Variants in NR3C2 observed in about 807,000 individuals in gnomAD.
NR3C2 encodes the protein mineralocorticoid receptor.
Under a neutral mutation model 86.4 loss-of-function variants are expected in NR3C2, and 15 were observed. That is an observed-to-expected ratio of 0.17 (90% confidence interval 0.12 to 0.27). The LOEUF is 0.27. NR3C2 is among the 10% of genes least tolerant of loss of function. NR3C2 has a pLI of 1.00. For synonymous variants in NR3C2, 458 were observed against 450.5 expected (o/e 1.02, Z -0.21); for missense variants, 960 against 1,195.6 (o/e 0.80, Z 2.91).
chr4:148,241,476 G>T (rs13133533), intron 3 of NR3C2, among the ~76,000 whole-genome samples: 124,300 of 124,300 alleles, frequency 1, 62,150 homozygotes, highest in Non-Finnish European at 1. Flanking sequence ...TTTTTCTTTG[G>T]CATTCTAGCC....
At chr4:148,382,065 G>A (rs1029136678) in intron 2 of NR3C2, among the ~76,000 whole-genome samples, 3 of 152,050 alleles carry the variant, frequency 2.0e-5, no homozygotes, top group Non-Finnish European at 4.4e-5. Flanking sequence ...TCACCGGTAC[G>A]TAAAAGAAGC....
chr4:148,257,650 T>C (rs1308166132), intron 3 of NR3C2, among the ~76,000 whole-genome samples: 1 of 152,030 alleles, frequency 6.6e-6, no homozygotes, highest in African/African-American at 2.4e-5. Flanking sequence ...ATAAAAATAA[T>C]CTCATTAATT....
intron 6 of NR3C2, among the ~76,000 whole-genome samples, chr4:148,132,665 C>T (rs943831204): frequency 3.3e-5 from 5 of 152,082 alleles, no homozygotes; most frequent in Middle Eastern, 3.2e-3. Context: ...CTCTAAGTGT[C>T]GACTAGACTA....
intron 6 of NR3C2, among the ~76,000 whole-genome samples, chr4:148,134,924 C>T (rs1265762042): frequency 2.0e-5 from 3 of 151,862 alleles, no homozygotes; most frequent in African/African-American, 4.8e-5. Context: ...TCCCAAAGTG[C>T]TGGGATTACA....
At position 148,080,753 on chromosome 4, in the gene NR3C2, G is replaced by A. The variant is rs1370612607; in HGVS notation, c.*591C>T. ...CATTCTAATTAAATAAGAAATGGAC[G>A]CTAACGAGTGTGTATACCAGTGATG... On this transcript the variant is annotated 3_prime_UTR_variant, in exon 9 of 9. Coordinates refer to ENST00000358102, the MANE Select transcript of NR3C2 (RefSeq NM_000901.5). 13 of 351,794 alleles carry A rather than the reference G, an allele frequency of 3.7e-5. No individual in the cohort carries two copies. The highest frequency in any genetic ancestry group is 6.3e-5 in the Admixed American group (2 of 31,976). 21.8% of individuals were successfully genotyped at this position (351,794 alleles called of 1,614,324 possible). A position where few individuals can be genotyped will look rare whatever the true frequency, so the allele number is the denominator to read the frequency against.
chr4:148,119,658 T>C (rs965806269), intron 7 of NR3C2, among the ~76,000 whole-genome samples: 3 of 151,970 alleles, frequency 2.0e-5, no homozygotes, highest in Non-Finnish European at 4.4e-5. Context: ...TGGTGGTGCA[T>C]GCCTGTAATC....
chr4:148,133,173 A>G (rs1733112009), intron 6 of NR3C2, among the ~76,000 whole-genome samples: 1 of 151,106 alleles, frequency 6.6e-6, no homozygotes, highest in Non-Finnish European at 1.5e-5. Flanking sequence ...AGCCTGGACG[A>G]CAGGAGTAAG....
At chr4:148,105,779 CAT>C (rs1395549107) in intron 8 of NR3C2, among the ~76,000 whole-genome samples, 1 of 152,184 alleles carries the variant, frequency 6.6e-6, no homozygotes, top group Non-Finnish European at 1.5e-5. Context: ...ACAAAAACCA[CAT>C]GATTATCCCA....
At chr4:148,403,528 C>T (rs1186952887) in intron 2 of NR3C2, among the ~76,000 whole-genome samples, 1 of 152,038 alleles carries the variant, frequency 6.6e-6, no homozygotes, top group African/African-American at 2.4e-5. Flanking sequence ...CCTGCCCTCT[C>T]TACATAATGT....
At chr4:148,194,884 A>T (rs4835500) in intron 3 of NR3C2, 22 bp from the exon 4 acceptor site, 1 of 1,530,360 alleles carries the variant, frequency 6.5e-7, no homozygotes, top group South Asian at 1.1e-5. Context: ...AATAAAAAAT[A>T]ACTGTTAAAA....
chr4:148,275,642 C>G (rs896123627), intron 2 of NR3C2, among the ~76,000 whole-genome samples: 2 of 152,158 alleles, frequency 1.3e-5, no homozygotes, highest in Non-Finnish European at 2.9e-5. Flanking sequence ...GTTGGTCAGT[C>G]TGGTCTCGAA....
chr4:148,224,202 G>A (rs1738020212), intron 3 of NR3C2, among the ~76,000 whole-genome samples: 1 of 151,800 alleles, frequency 6.6e-6, no homozygotes, highest in Non-Finnish European at 1.5e-5. Context: ...CTAATCTCAG[G>A]AAGAAGCAGG....
At chr4:148,364,487 G>A (rs1189127992) in intron 2 of NR3C2, among the ~76,000 whole-genome samples, 2 of 152,218 alleles carry the variant, frequency 1.3e-5, no homozygotes, top group Non-Finnish European at 2.9e-5. Flanking sequence ...CCTATAAAGA[G>A]TAATGATACT....
chr4:148,310,452 T>C (rs1180061592), intron 2 of NR3C2, among the ~76,000 whole-genome samples: 1 of 152,226 alleles, frequency 6.6e-6, no homozygotes, highest in Admixed American at 6.5e-5. Flanking sequence ...GTCTATTTGC[T>C]GTCACATGGA....
intron 4 of NR3C2, among the ~76,000 whole-genome samples, chr4:148,191,142 G>C (rs911109820): frequency 2.6e-5 from 4 of 151,922 alleles, no homozygotes; most frequent in Admixed American, 6.6e-5. Context: ...TCAAGATTTA[G>C]AGCTCCTTTT....
intron 2 of NR3C2, among the ~76,000 whole-genome samples, chr4:148,403,261 A>G (rs1412283774): frequency 1.3e-5 from 2 of 152,044 alleles, no homozygotes; most frequent in African/African-American, 2.4e-5. Flanking sequence ...CCAAACACAT[A>G]TTGGATGCTG....
intron 1 of NR3C2, among the ~76,000 whole-genome samples, chr4:148,441,532 G>C (rs777152538): frequency 1.3e-5 from 2 of 152,112 alleles, no homozygotes; most frequent in African/African-American, 4.8e-5. Context: ...ATTTAAACCT[G>C]GTCTTTTTAA....
intron 3 of NR3C2, among the ~76,000 whole-genome samples, chr4:148,227,920 A>T (rs1475719776): frequency 6.6e-6 from 1 of 152,134 alleles, no homozygotes; most frequent in African/African-American, 2.4e-5. Context: ...TCCTAAATCC[A>T]GCCACTGCTT....
rs548090561 is a variant in NR3C2, at chr4:148,094,709, C to A, written c.2800-13210G>T. ...CAGCCTGGGCAACAAGAGCAAAACT[C>A]CATCTCAAAAAAAAAAACAAAAAAA... On this transcript the variant is annotated intron_variant, in intron 8 of 8. Coordinates refer to ENST00000358102, the MANE Select transcript of NR3C2 (RefSeq NM_000901.5). Among the ~76,000 whole-genome samples, 12 of 143,784 alleles carry A rather than the reference C, an allele frequency of 8.3e-5. No homozygotes were observed. In the South Asian group the frequency reaches 2.0e-3, roughly 24 times the overall value. The allele number at this position is 143,784 out of a possible 152,430, so 94.3% of individuals were successfully genotyped here.
Sources: allele counts gnomAD v4.1 joint callset (sites outside exome capture counted in the v4.1 genomes callset), GRCh38; gene constraint gnomAD v4.1.1; transcripts MANE v1.5; gene names NCBI Gene and HGNC (gene_info 2026-07-23, HGNC 2026-07-21).